The following NKAIN2 variants were observed in gnomAD, a reference collection of about 807,000 sequenced individuals.
The protein encoded by NKAIN2 is sodium/potassium transporting ATPase interacting 2.
In NKAIN2, 14 loss-of-function variants were observed where a neutral mutation model predicts 32.6. That is an observed-to-expected ratio of 0.43 (90% CI 0.28 to 0.67). The LOEUF (loss-of-function observed/expected upper bound fraction) is 0.67. Among genes scored for constraint, NKAIN2 ranks in the 30% least tolerant of loss-of-function variants. The pLI is 0.17. For synonymous variants in NKAIN2, 80 were observed against 87.2 expected, an observed-to-expected ratio of 0.92 and a Z score of 0.46; for missense variants, 198 against 258.3, an observed-to-expected ratio of 0.77 and a Z score of 1.60.
At chr6:124,740,447 CGTGTGTGTGT>C (rs56154164) in intron 4 of NKAIN2, among the ~76,000 whole-genome samples, 4 of 143,754 alleles carry the variant, frequency 2.8e-5, no homozygotes, top group Non-Finnish European at 4.5e-5. Flanking sequence ...CACATATACA[CGTGTGTGTGT>C]GTGTGTGTGT....
intron 1 of NKAIN2, among the ~76,000 whole-genome samples, chr6:123,988,444 C>G (rs1055030430): frequency 6.6e-6 from 1 of 152,138 alleles, no homozygotes; most frequent in African/African-American, 2.4e-5. Context: ...TGTTGGTACT[C>G]TCAGATACGG....
At chr6:123,823,650 G>A (rs1404814342) in intron 1 of NKAIN2, among the ~76,000 whole-genome samples, 3 of 152,142 alleles carry the variant, frequency 2.0e-5, no homozygotes, top group African/African-American at 7.2e-5. Flanking sequence ...AGAGGGCTGG[G>A]ACTGTGTATT....
In NKAIN2 at chr6:124,549,499, C is replaced by G. The variant is rs1406015705; in HGVS notation, c.274-108687C>G. On this transcript the variant is annotated intron_variant, in intron 3 of 6. Transcript: ENST00000368417. ...ATCTTCCCCTTATGTTAATATCTTA[C>G]TTAACTATAGAGCATTTATCAAAAC... Among the ~76,000 whole-genome samples, 3 of 152,132 alleles carry G rather than the reference C, an allele frequency of 2.0e-5. No individual in the cohort carries two copies. In the East Asian group the frequency reaches 5.8e-4, roughly 29 times the overall value.
chr6:124,020,129 G>A (rs1172531537), intron 1 of NKAIN2, among the ~76,000 whole-genome samples: 2 of 152,036 alleles, frequency 1.3e-5, no homozygotes, highest in Admixed American at 1.3e-4. Flanking sequence ...GGAAGCAGAG[G>A]CACCTTTTTT....
intron 1 of NKAIN2, among the ~76,000 whole-genome samples, chr6:123,813,862 T>G (rs1396810562): frequency 1.3e-5 from 2 of 152,066 alleles, no homozygotes; most frequent in African/African-American, 4.8e-5. Flanking sequence ...GACCTTTTTT[T>G]TTTTTTCGTC....
chr6:124,310,970 C>G (rs1796688558), intron 2 of NKAIN2, among the ~76,000 whole-genome samples: 1 of 152,118 alleles, frequency 6.6e-6, no homozygotes, highest in Non-Finnish European at 1.5e-5. Flanking sequence ...AATAAAGAAA[C>G]AAAACTAATT....
chr6:124,737,464 C>A (rs1406853364), intron 4 of NKAIN2, among the ~76,000 whole-genome samples: 1 of 151,800 alleles, frequency 6.6e-6, no homozygotes, highest in Non-Finnish European at 1.5e-5. Flanking sequence ...AAACCTCTTT[C>A]CTTTAGAAAC....
intron 1 of NKAIN2, among the ~76,000 whole-genome samples, chr6:123,874,489 T>C (rs923535630): frequency 2.0e-5 from 3 of 152,148 alleles, no homozygotes; most frequent in Admixed American, 6.5e-5. Context: ...ACCATCATTA[T>C]TGAATACATT....
intron 2 of NKAIN2, among the ~76,000 whole-genome samples, chr6:124,331,757 G>T (rs1291254342): frequency 6.6e-6 from 1 of 152,092 alleles, no homozygotes; most frequent in African/African-American, 2.4e-5. Flanking sequence ...CTCATACATA[G>T]AAATTCAATC....
intron 1 of NKAIN2, among the ~76,000 whole-genome samples, chr6:123,860,829 G>A (rs1009030542): frequency 6.6e-5 from 10 of 152,100 alleles, no homozygotes; most frequent in Non-Finnish European, 8.8e-5. Context: ...CACTTCTCAT[G>A]TCATGTCTCC....
intron 4 of NKAIN2, among the ~76,000 whole-genome samples, chr6:124,683,814 A>G (rs940069661): frequency 6.6e-6 from 1 of 152,130 alleles, no homozygotes; most frequent in Non-Finnish European, 1.5e-5. Flanking sequence ...CTATGCAGAG[A>G]GATTTGGGAC....
intron 1 of NKAIN2, among the ~76,000 whole-genome samples, chr6:123,928,015 G>T (rs556071925): frequency 3.3e-5 from 5 of 152,212 alleles, no homozygotes; most frequent in Admixed American, 1.3e-4. Context: ...AAGAGATAAT[G>T]AGTTTCGGGG....
intron 3 of NKAIN2, among the ~76,000 whole-genome samples, chr6:124,450,536 G>A (rs1374934208): frequency 1.3e-5 from 2 of 151,714 alleles, no homozygotes; most frequent in African/African-American, 2.4e-5. Context: ...TAAGCCTACA[G>A]TTATAATTTT....
chr6:124,113,542 T>G (rs1316171182), intron 1 of NKAIN2, among the ~76,000 whole-genome samples: 1 of 152,148 alleles, frequency 6.6e-6, no homozygotes, highest in African/African-American at 2.4e-5. Context: ...GCATTCTTCC[T>G]CAGGTGTCTA....
intron 1 of NKAIN2, among the ~76,000 whole-genome samples, chr6:123,904,904 C>T (rs1774787691): frequency 6.6e-6 from 1 of 152,158 alleles, no homozygotes; most frequent in Non-Finnish European, 1.5e-5. Flanking sequence ...TGTAAATCTT[C>T]ATCCTCTGGG....
chr6:124,752,427 G>A (rs1307576550), intron 4 of NKAIN2, among the ~76,000 whole-genome samples: 4 of 151,804 alleles, frequency 2.6e-5, no homozygotes. Context: ...TCTTCCTAGG[G>A]TATCTTATTT....
At chr6:123,883,290 A>G (rs1011455099) in intron 1 of NKAIN2, among the ~76,000 whole-genome samples, 9 of 151,886 alleles carry the variant, frequency 5.9e-5, no homozygotes, top group African/African-American at 1.7e-4. Context: ...GACTATAGGC[A>G]CCCGCCACCA....
intron 1 of NKAIN2, among the ~76,000 whole-genome samples, chr6:124,194,575 G>A (rs918777496): frequency 1.3e-5 from 2 of 151,552 alleles, no homozygotes; most frequent in African/African-American, 4.9e-5. Flanking sequence ...CCTACTTTCT[G>A]TCTTCTTTGG....
chr6:124,817,033 A>G (rs954999184), intron 5 of NKAIN2, among the ~76,000 whole-genome samples: 6 of 152,166 alleles, frequency 3.9e-5, no homozygotes, highest in Non-Finnish European at 8.8e-5. Context: ...AGACAGGCAC[A>G]GAGGGGATGG....
Sources: allele counts gnomAD v4.1 joint callset (sites outside exome capture counted in the v4.1 genomes callset), GRCh38; gene constraint gnomAD v4.1.1; transcripts MANE v1.5; gene names NCBI Gene and HGNC (gene_info 2026-07-23, HGNC 2026-07-21).